Variants in TEX14 observed in about 807,000 individuals in gnomAD.
TEX14 encodes inactive serine/threonine-protein kinase TEX14.
TEX14 carries 168 observed loss-of-function variants against 178.6 expected under a neutral mutation model. The observed-to-expected ratio is 0.94, with a 90% CI of 0.83 to 1.07. TEX14 has a LOEUF of 1.07. TEX14 is among the 50% of genes least tolerant of loss of function. TEX14 has a pLI of 0.00. For synonymous variants in TEX14, 626 were observed against 634.1 expected (o/e 0.99, Z 0.19); for missense variants, 1,730 against 1,753.6 (o/e 0.99, Z 0.24).
At chr17:58,595,573 G>A (rs1268320243) in intron 14 of TEX14, among the ~76,000 whole-genome samples, 2 of 152,236 alleles carry the variant, frequency 1.3e-5, no homozygotes, top group African/African-American at 4.8e-5. Flanking sequence ...CTGCTATGCT[G>A]TAGAGAAGCT....
chr17:58,602,078 A>G, intron 12 of TEX14, 122 bp from the exon 13 acceptor site: 2 of 998,242 alleles, frequency 2.0e-6, no homozygotes, highest in Non-Finnish European at 3.0e-6. Context: ...GACTGACTTT[A>G]GTCCTAATTA....
intron 3 of TEX14, among the ~76,000 whole-genome samples, chr17:58,626,215 T>C (rs2046136342): frequency 6.6e-6 from 1 of 152,166 alleles, no homozygotes; most frequent in Admixed American, 6.6e-5. Flanking sequence ...AGTAGGCATC[T>C]GATTTGTGAC....
At chr17:58,657,741 T>A (rs569734082) in intron 1 of TEX14, among the ~76,000 whole-genome samples, 2 of 152,190 alleles carry the variant, frequency 1.3e-5, no homozygotes, top group Middle Eastern at 3.4e-3. Context: ...TGAACTAACT[T>A]TGGGAGAAAC....
intron 11 of TEX14, 124 bp downstream of exon 11, chr17:58,604,854 C>G: frequency 1.7e-6 from 2 of 1,157,612 alleles, no homozygotes; most frequent in South Asian, 2.9e-5. Context: ...AGCCACTGCT[C>G]CCAGCCAAGA....
chr17:58,613,669 T>C (rs1327650146), intron 8 of TEX14, 125 bp from the exon 9 acceptor site: 1 of 772,770 alleles, frequency 1.3e-6, no homozygotes, highest in African/African-American at 1.8e-5. Context: ...TTTTCTTTTC[T>C]TTTTTTTTTG....
chr17:58,595,263 G>A (rs909273345), intron 14 of TEX14, among the ~76,000 whole-genome samples: 2 of 152,148 alleles, frequency 1.3e-5, no homozygotes, highest in African/African-American at 4.8e-5. Flanking sequence ...AGATGGAGAT[G>A]GCTTTTTCCC....
chr17:58,686,422 G>A (rs2047592829), intron 1 of TEX14, among the ~76,000 whole-genome samples: 1 of 152,134 alleles, frequency 6.6e-6, no homozygotes, highest in African/African-American at 2.4e-5. Flanking sequence ...CTGGGAATGG[G>A]GTGAAGGTAA....
intron 5 of TEX14, among the ~76,000 whole-genome samples, chr17:58,618,801 A>T (rs2045933187): frequency 6.6e-6 from 1 of 152,226 alleles, no homozygotes; most frequent in Non-Finnish European, 1.5e-5. Context: ...CTCTGCTTTA[A>T]GCTGCTATGC....
intron 7 of TEX14, 109 bp downstream of exon 7, chr17:58,616,066 A>T: frequency 8.1e-7 from 1 of 1,241,846 alleles, no homozygotes; most frequent in Non-Finnish European, 1.1e-6. Context: ...AGATGTTCTT[A>T]GGTGTTCCCT....
intron 5 of TEX14, among the ~76,000 whole-genome samples, chr17:58,620,741 C>T (rs1027741679): frequency 3.4e-4 from 51 of 152,232 alleles, no homozygotes; most frequent in Middle Eastern, 3.4e-3. Flanking sequence ...GTGATCCACC[C>T]ACCTCAACCT....
At chr17:58,677,119 CAAAAAAA>C (rs35953337) in intron 1 of TEX14, among the ~76,000 whole-genome samples, 273 of 78,632 alleles carry the variant, frequency 3.5e-3, no homozygotes, top group Middle Eastern at 6.9e-3. Flanking sequence ...AACTCCGTCT[CAAAAAAA>C]AAAAAAAAAA....
At chr17:58,656,214 C>A (rs192809272) in intron 1 of TEX14, among the ~76,000 whole-genome samples, 45 of 152,208 alleles carry the variant, frequency 3.0e-4, no homozygotes, top group African/African-American at 1.1e-3. Flanking sequence ...GAGGCCAAGG[C>A]GGGTGGATCA....
intron 2 of TEX14, among the ~76,000 whole-genome samples, chr17:58,647,519 G>A (rs775398848): frequency 6.6e-6 from 1 of 150,566 alleles, no homozygotes; most frequent in Non-Finnish European, 1.5e-5. Context: ...GCGACTGAGC[G>A]AGACTCCGTC....
In TEX14 at chr17:58,660,922, T is replaced by C. The variant is rs1045150786; in HGVS notation, c.-1-8920A>G. Reference sequence around the variant, plus strand: ...ATGAGTTAGAAGTGGATGCCTCTCTTGAAGAGTCTTTCTCTCCCAGGATCT... The same window carrying C: ...ATGAGTTAGAAGTGGATGCCTCTCTCGAAGAGTCTTTCTCTCCCAGGATCT... On this transcript the variant is annotated intron_variant, in intron 1 of 31. Coordinates refer to ENST00000349033, the MANE Select transcript of TEX14 (RefSeq NM_031272.5). 8 of 904,004 alleles carry C rather than the reference T, an allele frequency of 8.8e-6. No individual in the cohort carries two copies. The African/African-American group carries it at 9.8e-5, about 11-fold the overall frequency. 56.0% of individuals were successfully genotyped at this position (904,004 alleles called of 1,614,324 possible). A position where few individuals can be genotyped will look rare whatever the true frequency, so the allele number is the denominator to read the frequency against.
chr17:58,661,811 GTCTC>G (rs1229376184), intron 1 of TEX14: 318 of 487,826 alleles, frequency 6.5e-4, no homozygotes, highest in Non-Finnish European at 6.0e-4. Context: ...GTCAAACTTT[GTCTC>G]TCTGTTTCCG....
At chr17:58,580,262 C>A (rs1319524675) in intron 19 of TEX14, among the ~76,000 whole-genome samples, 1 of 152,134 alleles carries the variant, frequency 6.6e-6, no homozygotes, top group Non-Finnish European at 1.5e-5. Context: ...CCGCCTCAGC[C>A]TCCTAAAGTG....
chr17:58,610,142 C>A (rs1449368229), intron 10 of TEX14, among the ~76,000 whole-genome samples: 1 of 152,330 alleles, frequency 6.6e-6, no homozygotes. Flanking sequence ...GGAAACAAAG[C>A]CCACTTACCA....
intron 1 of TEX14, among the ~76,000 whole-genome samples, chr17:58,674,801 T>G (rs1212499347): frequency 1.8e-5 from 2 of 109,742 alleles, no homozygotes; most frequent in Admixed American, 9.6e-5. Context: ...ATAAAGTGGT[T>G]AAAAAAAAAA....
Position 58,585,883 on chromosome 17 carries a change from T to C in TEX14, c.2988A>G (p.Gly996=), listed in dbSNP as rs1415577649. The change falls in exon 18 of 32, where the codon GGA becomes GGG. Residue 996 remains glycine (G), a synonymous_variant. Transcript: ENST00000349033. ...TGCCCGTCTTGTCAAACTTGCCATT[T>C]CCTCTGGGCTCATCATTTTCCCTAT... ...EYHRENDEPR[G]NGKFDKTGNN... 6.2e-7 allele frequency: 1 copy of C among 1,614,060 alleles called. No homozygotes were observed. The highest frequency in any genetic ancestry group is 8.5e-7 in the Non-Finnish European group (1 of 1,180,006).
Sources: gnomAD v4.1 joint callset for allele counts (sites outside exome capture counted in the v4.1 genomes callset) on GRCh38, gnomAD v4.1.1 for gene constraint, MANE v1.5 for transcripts, NCBI Gene and HGNC (gene_info 2026-07-23, HGNC 2026-07-21) for gene names.